NCKAP5: variants seen among roughly 807,000 people sequenced by gnomAD.
NCKAP5 encodes the protein NCK associated protein 5, also known as nck-associated protein 5.
Under a neutral mutation model 167.0 loss-of-function variants are expected in NCKAP5, and 92 were observed. That is an observed-to-expected ratio of 0.55 (90% CI 0.47 to 0.66). The LOEUF is 0.66. Among genes scored for constraint, NCKAP5 ranks in the 30% least tolerant of loss-of-function variants. The probability of loss-of-function intolerance (pLI) is 0.00; values close to 1 mark genes in which losing one functional copy is unlikely to be tolerated. For missense variants in NCKAP5, 2,378 were observed against 2,315.0 expected, an observed-to-expected ratio of 1.03 and a Z score of -0.56; for synonymous variants, 891 against 877.4, an observed-to-expected ratio of 1.02 and a Z score of -0.27.
At chr2:132,694,576 G>C (rs1023438558) in intron 19 of NCKAP5, among the ~76,000 whole-genome samples, 1 of 152,166 alleles carries the variant, frequency 6.6e-6, no homozygotes, top group Non-Finnish European at 1.5e-5. Context: ...TTCCCAGTTA[G>C]AATTTCTCCC....
At chr2:133,091,818 C>T (rs1303348984) in intron 6 of NCKAP5, among the ~76,000 whole-genome samples, 3 of 151,550 alleles carry the variant, frequency 2.0e-5, no homozygotes, top group South Asian at 2.1e-4. Context: ...ACCTGGGAGG[C>T]GGAGCTTGCA....
intron 15 of NCKAP5, among the ~76,000 whole-genome samples, chr2:132,775,472 T>C (rs1455769036): frequency 4.6e-5 from 7 of 152,244 alleles, no homozygotes; most frequent in Admixed American, 4.6e-4. Flanking sequence ...CTTCATCACT[T>C]TCTTTCCCCT....
At chr2:133,531,692 A>C (rs897992816) in intron 2 of NCKAP5, among the ~76,000 whole-genome samples, 2 of 152,118 alleles carry the variant, frequency 1.3e-5, no homozygotes, top group Non-Finnish European at 2.9e-5. Flanking sequence ...TAAGAATGGG[A>C]TTGATTTCTT....
intron 4 of NCKAP5, among the ~76,000 whole-genome samples, chr2:133,230,175 C>T (rs2150244662): frequency 6.6e-6 from 1 of 152,250 alleles, no homozygotes; most frequent in African/African-American, 2.4e-5. Flanking sequence ...AGGACACTGG[C>T]CTGGGTCCTG....
intron 2 of NCKAP5, among the ~76,000 whole-genome samples, chr2:133,533,001 G>A (rs1685485502): frequency 6.6e-6 from 1 of 152,162 alleles, no homozygotes; most frequent in Non-Finnish European, 1.5e-5. Context: ...AATCAGCAGG[G>A]CTTGTGGCTC....
rs962624303 is a variant in NCKAP5 at position 132,782,307 on chromosome 2, G to A, written c.4504C>T (p.Pro1502Ser). 6.2e-7 allele frequency: 1 copy of A among 1,614,052 alleles called. No homozygotes were observed. Residue 1502 changes from proline to serine, a missense_variant, in exon 14 of 20, where the codon CCT (proline) becomes TCT (serine). Physicochemically the swap from Pro to Ser is moderately conservative, Grantham distance 74. Coordinates refer to ENST00000409261, the MANE Select transcript of NCKAP5 (RefSeq NM_207363.3). ...KPTSVEAKQK[P>S]GPSFASWFGF... ...AACCAGCTGGCAAAAGAAGGCCCAGGCTTCTGCTTTGCTTCCACAGAGGTG... is the reference window on the plus strand; with the variant it reads ...AACCAGCTGGCAAAAGAAGGCCCAGACTTCTGCTTTGCTTCCACAGAGGTG...
rs1323449281 is a variant in NCKAP5, at chr2:132,782,122, C to T, written c.4689G>A (p.Glu1563=). The change falls in exon 14 of 20, where the codon GAG becomes GAA. Residue 1563 remains glutamate (E), a synonymous_variant. Coordinates refer to ENST00000409261, the MANE Select transcript of NCKAP5 (RefSeq NM_207363.3). Reference sequence around the variant, plus strand: ...TGTCCTTGATAAGCTCATTTTCTGTCTCACACTGTAGTTCAGGCTTCTTTT... The same window carrying T: ...TGTCCTTGATAAGCTCATTTTCTGTTTCACACTGTAGTTCAGGCTTCTTTT... ...KEKKKPELQC[E]TENELIKDTK... 6.2e-7 allele frequency: 1 copy of T among 1,614,030 alleles called. No individual in the cohort carries two copies. Among genetic ancestry groups the T allele is most frequent in the Non-Finnish European group, 8.5e-7 (1 of 1,179,898 alleles).
intron 6 of NCKAP5, 55 bp from the exon 7 acceptor site, chr2:132,994,294 TC>T: frequency 7.9e-7 from 1 of 1,270,430 alleles, no homozygotes. Flanking sequence ...TTAACACGGA[TC>T]CACTCGAGTT....
chr2:133,390,991 T>C (rs980330819), intron 3 of NCKAP5: 3 of 152,190 alleles, frequency 2.0e-5, no homozygotes, highest in African/African-American at 7.2e-5. Flanking sequence ...AAGCATTGTG[T>C]TGGGCACTGG....
the NCKAP5 span, among the ~76,000 whole-genome samples, chr2:133,628,864 C>G: frequency 6.6e-6 from 1 of 152,072 alleles, no homozygotes; most frequent in Non-Finnish European, 1.5e-5. Flanking sequence ...TTCAACAAAC[C>G]TGACAAAAAC....
intron 5 of NCKAP5, among the ~76,000 whole-genome samples, chr2:133,204,400 C>T (rs191840737): frequency 6.6e-5 from 10 of 152,108 alleles, no homozygotes; most frequent in African/African-American, 2.2e-4. Context: ...CCAAATTTGG[C>T]GTGTGTTATT....
the NCKAP5 span, among the ~76,000 whole-genome samples, chr2:133,618,956 C>G: frequency 6.9e-6 from 1 of 145,944 alleles, no homozygotes; most frequent in Admixed American, 6.9e-5. Context: ...ACATATACAC[C>G]ATGGAATACT....
intron 3 of NCKAP5, among the ~76,000 whole-genome samples, chr2:133,354,752 A>G (rs532624278): frequency 2.6e-5 from 4 of 152,218 alleles, no homozygotes; most frequent in Non-Finnish European, 5.9e-5. Context: ...ATACATTAAG[A>G]CATTAAAGTT....
At chr2:133,373,967 A>C (rs1685970935) in intron 3 of NCKAP5, among the ~76,000 whole-genome samples, 1 of 152,178 alleles carries the variant, frequency 6.6e-6, no homozygotes, top group African/African-American at 2.4e-5. Flanking sequence ...GAATGGTAAA[A>C]CCCTATATGT....
chr2:133,525,921 T>C (rs180957555), intron 2 of NCKAP5, among the ~76,000 whole-genome samples: 2 of 152,200 alleles, frequency 1.3e-5, no homozygotes, highest in Admixed American at 1.3e-4. Flanking sequence ...TTTGCTCTAG[T>C]TTCCTCACTG....
At chr2:132,803,662 C>A (rs879592829) in intron 11 of NCKAP5, among the ~76,000 whole-genome samples, 2 of 152,212 alleles carry the variant, frequency 1.3e-5, no homozygotes, top group Non-Finnish European at 2.9e-5. Context: ...CCAAGGCCCA[C>A]AGGGTGAGCA....
chr2:133,588,800 T>A, the NCKAP5 span, among the ~76,000 whole-genome samples: 1 of 152,132 alleles, frequency 6.6e-6, no homozygotes, highest in African/African-American at 2.4e-5. Flanking sequence ...TTAAGTAGAC[T>A]TGAAAGGAGT....
chr2:132,923,833 G>A (rs1695633260), intron 8 of NCKAP5, among the ~76,000 whole-genome samples: 1 of 152,142 alleles, frequency 6.6e-6, no homozygotes, highest in Admixed American at 6.5e-5. Flanking sequence ...GTCGAGAAGT[G>A]AAAAATTAAA....
At chr2:133,191,950 T>C (rs561470703) in intron 5 of NCKAP5, among the ~76,000 whole-genome samples, 2 of 152,100 alleles carry the variant, frequency 1.3e-5, no homozygotes, top group African/African-American at 4.8e-5. Flanking sequence ...TTTTTAAATA[T>C]ATGCAGGATT....
Sources: allele counts gnomAD v4.1 joint callset (sites outside exome capture counted in the v4.1 genomes callset), GRCh38; gene constraint gnomAD v4.1.1; transcripts MANE v1.5; gene names NCBI Gene and HGNC (gene_info 2026-07-23, HGNC 2026-07-21).